DHRS7B: variants seen among roughly 807,000 people sequenced by gnomAD.
DHRS7B encodes the protein peroxisomal reductase activating PPAR-gamma.
A neutral mutation model predicts 26.4 loss-of-function variants in DHRS7B; 24 were observed. That is an observed-to-expected ratio of 0.91 (90% CI 0.66 to 1.28). DHRS7B has a LOEUF of 1.28. DHRS7B is among the 50% of genes most tolerant of loss of function. DHRS7B has a pLI of 0.00. For missense variants in DHRS7B, 368 were observed against 419.4 expected (o/e 0.88, Z 1.07); for synonymous variants, 142 against 166.4 (o/e 0.85, Z 1.13).
At chr17:21,140,515 CACACACACACACACACACACACA>C (rs1241268047) in intron 1 of DHRS7B, among the ~76,000 whole-genome samples, 9 of 149,986 alleles carry the variant, frequency 6.0e-5, no homozygotes, top group Admixed American at 4.0e-4. Flanking sequence ...CACACACACA[CACACACACACACACACACACACA>C]CCCTGACACC....
intron 1 of DHRS7B, among the ~76,000 whole-genome samples, chr17:21,138,211 CTTTTT>C (rs901329961): frequency 2.6e-5 from 2 of 78,240 alleles, no homozygotes; most frequent in African/African-American, 5.9e-5. Flanking sequence ...ATCCCTCCTT[CTTTTT>C]TTTTTTTTTT....
In DHRS7B at chr17:21,179,836, A is replaced by C. The variant is rs113947127; in HGVS notation, c.309+1494A>C. Among the ~76,000 whole-genome samples, 429 of 147,048 alleles carry C rather than the reference A, an allele frequency of 2.9e-3. 4 individuals carry two copies. The highest frequency in any genetic ancestry group is 0.01 in the African/African-American group (404 of 39,160). On this transcript the variant is annotated intron_variant, in intron 3 of 6. Transcript: ENST00000395511. ...GGCTGGAGTGCAACGGTGCGATCTC[A>C]GCTCACCACAACCTCTGCCTCCTGG...
intron 2 of DHRS7B, among the ~76,000 whole-genome samples, chr17:21,175,473 G>A (rs984610441): frequency 6.6e-6 from 1 of 152,228 alleles, no homozygotes; most frequent in Non-Finnish European, 1.5e-5. Context: ...TCATGAACCA[G>A]GAGCTAGGGT....
chr17:21,172,395 G>A (rs1400524143), intron 2 of DHRS7B, 199 bp downstream of exon 2: 2 of 502,600 alleles, frequency 4.0e-6, no homozygotes, highest in Non-Finnish European at 3.5e-6. Context: ...ATGACTCAGC[G>A]TCAGGGTGGG....
At chr17:21,132,741 T>A (rs1156461616) in intron 1 of DHRS7B, among the ~76,000 whole-genome samples, 2 of 152,094 alleles carry the variant, frequency 1.3e-5, no homozygotes, top group Non-Finnish European at 2.9e-5. Context: ...GGTCACTAGC[T>A]ATGGAGGAAC....
chr17:21,131,616 C>A (rs559365238), intron 1 of DHRS7B, among the ~76,000 whole-genome samples: 1 of 152,168 alleles, frequency 6.6e-6, no homozygotes, highest in Non-Finnish European at 1.5e-5. Context: ...ATTTAGAATG[C>A]CTAACCTGCG....
In DHRS7B at chr17:21,191,077, G is replaced by A. The variant is rs1280185935; in HGVS notation, c.902G>A (p.Arg301Gln). ...CTGCCTTCCTTGGCTGTTTATCTTC[G>A]AACTCTGGCTCCTGGGCTCTTCTTC... ...DLLPSLAVYLRTLAPGLFFSL... is the reference protein window; with the variant it reads ...DLLPSLAVYLQTLAPGLFFSL... Residue 301 changes from arginine (R) to glutamine (Q), a missense_variant, in exon 7 of 7, where the codon CGA becomes CAA. By Grantham distance (43) the Arg-to-Gln change is conservative. Transcript: ENST00000395511. 6.8e-6 allele frequency: 11 copies of A among 1,614,064 alleles called. No individual in the cohort carries two copies. Among genetic ancestry groups the A allele is most frequent in the Middle Eastern group, 1.7e-4 (1 of 6,048 alleles).
intron 5 of DHRS7B, 152 bp from the exon 6 acceptor site, chr17:21,188,559 G>A (rs530503837): frequency 1.8e-5 from 16 of 874,426 alleles, no homozygotes; most frequent in African/African-American, 6.9e-5. Context: ...TTGAGCTCAG[G>A]AGCTGGAGTC....
At chr17:21,136,815 CA>C (rs1973354058) in intron 1 of DHRS7B, among the ~76,000 whole-genome samples, 1 of 151,496 alleles carries the variant, frequency 6.6e-6, no homozygotes, top group Admixed American at 6.6e-5. Context: ...TTCAGCCTCC[CA>C]AAGTGCTGGG....
At chr17:21,175,759 G>A (rs907228638) in intron 2 of DHRS7B, among the ~76,000 whole-genome samples, 4 of 151,644 alleles carry the variant, frequency 2.6e-5, no homozygotes, top group Non-Finnish European at 5.9e-5. Flanking sequence ...GCAACATGGC[G>A]AAACCTCATC....
intron 1 of DHRS7B, among the ~76,000 whole-genome samples, chr17:21,132,434 G>A (rs1351647553): frequency 6.6e-6 from 1 of 150,830 alleles, no homozygotes; most frequent in African/African-American, 2.4e-5. Flanking sequence ...AGGAGACTGA[G>A]GTGGGAGGAT....
chr17:21,160,610 T>G lies in DHRS7B; in HGVS notation c.21-11408T>G, dbSNP rs920264700. On this transcript the variant is annotated intron_variant, in intron 1 of 6. Transcript: ENST00000395511. Reference sequence around the variant, plus strand: ...GGAAGTGGAGCAATAGAAACTCTTATTCATTCCTAGTGGGAATGCAAAATG... The same window carrying G: ...GGAAGTGGAGCAATAGAAACTCTTAGTCATTCCTAGTGGGAATGCAAAATG... 3.3e-5 allele frequency among the ~76,000 whole-genome samples: 5 copies of G among 152,316 alleles called. No individual in the cohort carries two copies. In the South Asian group the frequency reaches 1.0e-3, roughly 32 times the overall value.
intron 1 of DHRS7B, chr17:21,127,276 C>A (rs559412412): frequency 1.2e-4 from 51 of 440,094 alleles, no homozygotes; most frequent in Non-Finnish European, 1.8e-4. Context: ...TCGCGCCGGG[C>A]GCTGTGTGTG....
chr17:21,169,693 G>A (rs572052727), intron 1 of DHRS7B, among the ~76,000 whole-genome samples: 1 of 152,338 alleles, frequency 6.6e-6, no homozygotes, highest in South Asian at 2.1e-4. Context: ...GACCTCGGTG[G>A]CACTGTGCCT....
At chr17:21,169,324 C>T (rs777342509) in intron 1 of DHRS7B, among the ~76,000 whole-genome samples, 14 of 152,110 alleles carry the variant, frequency 9.2e-5, no homozygotes, top group South Asian at 2.1e-4. Context: ...TCTTGGGAGT[C>T]GGATTGCTGG....
At chr17:21,170,169 C>T (rs78755245) in intron 1 of DHRS7B, among the ~76,000 whole-genome samples, 2,768 of 152,294 alleles carry the variant, frequency 0.018, 32 homozygotes, top group Non-Finnish European at 0.026. Context: ...TTCCTGCCTC[C>T]CACTGTTTAT....
chr17:21,168,215 T>C (rs1027401552), intron 1 of DHRS7B, among the ~76,000 whole-genome samples: 3 of 152,220 alleles, frequency 2.0e-5, no homozygotes, highest in Non-Finnish European at 4.4e-5. Flanking sequence ...TGAAAAACTC[T>C]GGAAAGAGTC....
At chr17:21,127,906 A>G (rs1361967942) in intron 1 of DHRS7B, 1 of 152,208 alleles carries the variant, frequency 6.6e-6, no homozygotes, top group East Asian at 1.9e-4. Context: ...GCCTTTGCCA[A>G]GGGTGTGGAA....
chr17:21,182,075 A>G (rs971618532), intron 3 of DHRS7B, among the ~76,000 whole-genome samples: 5 of 152,014 alleles, frequency 3.3e-5, no homozygotes, highest in Admixed American at 3.3e-4. Context: ...GTTTTTCATA[A>G]ACACCCTTTG....
Sources: allele counts gnomAD v4.1 joint callset (sites outside exome capture counted in the v4.1 genomes callset), GRCh38; gene constraint gnomAD v4.1.1; transcripts MANE v1.5; gene names NCBI Gene and HGNC (gene_info 2026-07-23, HGNC 2026-07-21).